The following KLHL1 variants were observed in gnomAD, a reference collection of about 807,000 sequenced individuals.
The protein encoded by KLHL1 is kelch-like protein 1.
KLHL1 carries 47 observed loss-of-function variants against 77.7 expected under a neutral mutation model. That is an observed-to-expected ratio of 0.60 (90% CI 0.48 to 0.77). The LOEUF (loss-of-function observed/expected upper bound fraction) is 0.77, where lower values mean the gene tolerates loss of function less well. Ranked by LOEUF, KLHL1 falls within the 30% of genes least tolerant of loss-of-function variation. KLHL1 has a pLI of 0.00. For synonymous variants in KLHL1, 360 were observed against 325.2 expected (o/e 1.11, Z -1.15); for missense variants, 925 against 910.8 (o/e 1.02, Z -0.20).
intron 9 of KLHL1, 94 bp from the exon 10 acceptor site, chr13:69,707,890 G>C (rs1875697960): frequency 2.0e-6 from 2 of 996,536 alleles, no homozygotes; most frequent in Non-Finnish European, 2.9e-6. Context: ...TCATGAAAAA[G>C]GAAACTACCT....
At chr13:69,803,855 G>C (rs971628192) in intron 6 of KLHL1, among the ~76,000 whole-genome samples, 6 of 152,148 alleles carry the variant, frequency 3.9e-5, no homozygotes, top group African/African-American at 1.4e-4. Context: ...ACAACCACAA[G>C]GAATACATTT....
intron 1 of KLHL1, among the ~76,000 whole-genome samples, chr13:69,985,061 G>A (rs1205269310): frequency 1.3e-5 from 2 of 152,088 alleles, no homozygotes; most frequent in African/African-American, 2.4e-5. Context: ...GCAGTGAGCC[G>A]AGATTGCACC....
chr13:69,904,117 T>G (rs1881969666), intron 4 of KLHL1, among the ~76,000 whole-genome samples: 1 of 151,684 alleles, frequency 6.6e-6, no homozygotes, highest in Non-Finnish European at 1.5e-5. Context: ...AAAGTGATCT[T>G]AAAGAAGATT....
At chr13:69,711,737 G>C (rs1480134181) in intron 9 of KLHL1, among the ~76,000 whole-genome samples, 1 of 152,010 alleles carries the variant, frequency 6.6e-6, no homozygotes, top group Non-Finnish European at 1.5e-5. Flanking sequence ...GGATTTCTGG[G>C]TCAAAGAGAG....
At position 70,066,254 on chromosome 13, in the gene KLHL1, T is replaced by C. The variant is rs145602663; in HGVS notation, c.497+40949A>G. ...GTTTTAGAAGCATATTAAGCAAGGG[T>C]AAAGTTACTAATTTAGTCTGTCTAA... On this transcript the variant is annotated intron_variant, in intron 1 of 10. Coordinates refer to ENST00000377844, the MANE Select transcript of KLHL1 (RefSeq NM_020866.3). Among the ~76,000 whole-genome samples the C allele has an allele frequency of 4.6e-3, 693 of 152,260 alleles. 8 individuals carry two copies. The highest frequency in any genetic ancestry group is 0.025 in the South Asian group (121 of 4,822).
At chr13:70,046,124 G>A (rs1886489259) in intron 1 of KLHL1, among the ~76,000 whole-genome samples, 1 of 152,108 alleles carries the variant, frequency 6.6e-6, no homozygotes, top group African/African-American at 2.4e-5. Context: ...AGAAGCCAGT[G>A]GAATAGACCA....
chr13:69,799,536 C>T (rs887626957), intron 6 of KLHL1, among the ~76,000 whole-genome samples: 13 of 152,184 alleles, frequency 8.5e-5, no homozygotes, highest in African/African-American at 2.9e-4. Context: ...CTAGTAGCTA[C>T]AGCAGAAATA....
At chr13:69,833,746 G>GCTGT (rs1878858799) in intron 6 of KLHL1, among the ~76,000 whole-genome samples, 3 of 27,500 alleles carry the variant, frequency 1.1e-4, no homozygotes, top group African/African-American at 1.7e-4. Context: ...AAGAAATAAT[G>GCTGT]GTATATATAT....
At chr13:70,089,281 G>C (rs117162584) in intron 1 of KLHL1, among the ~76,000 whole-genome samples, 1 of 152,056 alleles carries the variant, frequency 6.6e-6, no homozygotes, top group African/African-American at 2.4e-5. Flanking sequence ...TGTTGTTGCC[G>C]TCAGTTGTTT....
At chr13:69,922,494 T>C (rs1593952537) in intron 4 of KLHL1, among the ~76,000 whole-genome samples, 1 of 152,164 alleles carries the variant, frequency 6.6e-6, no homozygotes, top group East Asian at 1.9e-4. Context: ...ACTTATTATG[T>C]TTGATAGGAA....
intron 1 of KLHL1, among the ~76,000 whole-genome samples, chr13:70,060,468 T>C (rs1386377597): frequency 6.6e-6 from 1 of 152,046 alleles, no homozygotes; most frequent in Admixed American, 6.6e-5. Context: ...TGCCCTCCCA[T>C]GTTTATTGCT....
At chr13:69,716,455 T>C (rs76723914) in intron 9 of KLHL1, among the ~76,000 whole-genome samples, 4,827 of 152,262 alleles carry the variant, frequency 0.032, 117 homozygotes, top group Non-Finnish European at 0.048. Flanking sequence ...TAATAATTGG[T>C]ACAGAGAAAT....
intron 4 of KLHL1, among the ~76,000 whole-genome samples, chr13:69,903,920 G>A (rs1264558052): frequency 2.6e-5 from 4 of 151,676 alleles, no homozygotes; most frequent in South Asian, 4.2e-4. Flanking sequence ...GATTACAGGC[G>A]TGAGCCACCG....
chr13:69,773,621 A>C (rs1307068071), intron 7 of KLHL1, among the ~76,000 whole-genome samples: 1 of 151,916 alleles, frequency 6.6e-6, no homozygotes, highest in African/African-American at 2.4e-5. Context: ...TCTAACTCCT[A>C]CATTATTAGG....
At chr13:69,742,268 C>A (rs914380578) in intron 7 of KLHL1, among the ~76,000 whole-genome samples, 1 of 152,138 alleles carries the variant, frequency 6.6e-6, no homozygotes, top group African/African-American at 2.4e-5. Flanking sequence ...TGCTTTTAAG[C>A]ATGACTGCAT....
intron 7 of KLHL1, among the ~76,000 whole-genome samples, chr13:69,791,627 C>A (rs1016201409): frequency 1.3e-5 from 2 of 151,962 alleles, no homozygotes; most frequent in Non-Finnish European, 2.9e-5. Flanking sequence ...CAAAAATAAA[C>A]CCTCACAGTT....
At chr13:69,869,331 T>C (rs750357576) in intron 5 of KLHL1, among the ~76,000 whole-genome samples, 12 of 152,074 alleles carry the variant, frequency 7.9e-5, no homozygotes, top group African/African-American at 1.7e-4. Context: ...ATGTAGAAAA[T>C]ATTAATTTAA....
intron 6 of KLHL1, among the ~76,000 whole-genome samples, chr13:69,798,710 G>A (rs1877240565): frequency 6.6e-6 from 1 of 152,026 alleles, no homozygotes; most frequent in African/African-American, 2.4e-5. Flanking sequence ...TAACTTCAAA[G>A]TCATCTGGAT....
intron 4 of KLHL1, among the ~76,000 whole-genome samples, chr13:69,903,320 C>T (rs1320761245): frequency 3.3e-5 from 5 of 152,100 alleles, no homozygotes; most frequent in African/African-American, 1.2e-4. Flanking sequence ...ATTTCTGGTT[C>T]GAGGCTTGGA....
Sources: allele counts gnomAD v4.1 joint callset (sites outside exome capture counted in the v4.1 genomes callset), GRCh38; gene constraint gnomAD v4.1.1; transcripts MANE v1.5; gene names NCBI Gene and HGNC (gene_info 2026-07-23, HGNC 2026-07-21).